Variants in KCNIP4 observed in about 807,000 individuals in gnomAD.
KCNIP4 encodes the protein potassium voltage-gated channel interacting protein 4.
In KCNIP4, 12 loss-of-function variants were observed where a neutral mutation model predicts 34.0. The observed-to-expected ratio is 0.35, with a 90% CI of 0.23 to 0.57. KCNIP4 has a LOEUF of 0.57. Among genes scored for constraint, KCNIP4 ranks in the 20% least tolerant of loss-of-function variants. KCNIP4 has a pLI of 0.83. For missense variants in KCNIP4, 238 were observed against 311.7 expected (o/e 0.76, Z 1.78); for synonymous variants, 124 against 102.2 (o/e 1.21, Z -1.29).
intron 1 of KCNIP4, among the ~76,000 whole-genome samples, chr4:21,172,424 T>G (rs1305851471): frequency 6.6e-6 from 1 of 152,180 alleles, no homozygotes; most frequent in Non-Finnish European, 1.5e-5. Context: ...AAAAATAAAA[T>G]TATGTTATAG....
intron 1 of KCNIP4, among the ~76,000 whole-genome samples, chr4:21,485,363 G>A (rs1023109965): frequency 2.0e-5 from 3 of 152,062 alleles, no homozygotes; most frequent in African/African-American, 7.2e-5. Context: ...CTAAAACCTG[G>A]CTCTTGTCTA....
chr4:21,574,392 TA>T (rs1285404677), intron 1 of KCNIP4, among the ~76,000 whole-genome samples: 1 of 151,986 alleles, frequency 6.6e-6, no homozygotes, highest in Non-Finnish European at 1.5e-5. Context: ...TCTATATTTA[TA>T]TATTTAAATA....
chr4:21,478,611 T>C (rs2109826880), intron 1 of KCNIP4, among the ~76,000 whole-genome samples: 1 of 152,292 alleles, frequency 6.6e-6, no homozygotes, highest in African/African-American at 2.4e-5. Flanking sequence ...TAGGAAGTAC[T>C]TTCCCCGTAA....
At chr4:21,511,636 C>T (rs534555638) in intron 1 of KCNIP4, among the ~76,000 whole-genome samples, 2 of 152,244 alleles carry the variant, frequency 1.3e-5, no homozygotes, top group South Asian at 4.1e-4. Flanking sequence ...GGCAATAACG[C>T]TCCTTGTAAG....
intron 3 of KCNIP4, among the ~76,000 whole-genome samples, chr4:20,783,675 C>T (rs1218539532): frequency 6.6e-6 from 1 of 152,138 alleles, no homozygotes; most frequent in Non-Finnish European, 1.5e-5. Flanking sequence ...GGTGGAGACA[C>T]AGAGCCATAG....
chr4:21,373,005 C>A (rs1183592861), intron 1 of KCNIP4, among the ~76,000 whole-genome samples: 3 of 144,200 alleles, frequency 2.1e-5, no homozygotes, highest in Admixed American at 2.0e-4. Context: ...GATTATTGGG[C>A]AGAAAATATA....
chr4:20,820,430 C>A (rs1303921240), intron 3 of KCNIP4, among the ~76,000 whole-genome samples: 2 of 151,974 alleles, frequency 1.3e-5, no homozygotes, highest in African/African-American at 4.8e-5. Flanking sequence ...CTCTTGACTG[C>A]GTATAGAAAA....
At position 21,832,845 on chromosome 4, in the gene KCNIP4, G is replaced by A. The variant is rs1278545669; in HGVS notation, c.61+115726C>T. ...TATGAGTGAGAATATGCGGTGTTTG[G>A]TTTTTTGTTCTTGCGATACTTTACT... is the stretch of plus-strand genomic sequence containing the variant. On this transcript the variant is annotated intron_variant, in intron 1 of 8. Coordinates refer to ENST00000382152, the MANE Select transcript of KCNIP4 (RefSeq NM_025221.6). Among the ~76,000 whole-genome samples the A allele has an allele frequency of 7.0e-4, 105 of 149,324 alleles. 1 individual carries two copies. The East Asian group carries it at 0.02, about 28-fold the overall frequency.
intron 1 of KCNIP4, among the ~76,000 whole-genome samples, chr4:21,628,294 A>T (rs999788253): frequency 4.6e-5 from 7 of 152,118 alleles, no homozygotes; most frequent in African/African-American, 1.4e-4. Context: ...CTTCACTGTG[A>T]TTACCCAATA....
intron 2 of KCNIP4, among the ~76,000 whole-genome samples, chr4:20,879,768 A>G (rs1707779374): frequency 6.6e-6 from 1 of 152,210 alleles, no homozygotes; most frequent in African/African-American, 2.4e-5. Context: ...TGCTTTGCTG[A>G]AAAACATTTG....
At chr4:21,482,696 G>A (rs1313577024) in intron 1 of KCNIP4, among the ~76,000 whole-genome samples, 1 of 152,066 alleles carries the variant, frequency 6.6e-6, no homozygotes, top group Non-Finnish European at 1.5e-5. Context: ...TAGTCTGATG[G>A]GCTTCCCTTT....
chr4:21,264,369 C>A (rs1761664507), intron 1 of KCNIP4, among the ~76,000 whole-genome samples: 1 of 152,016 alleles, frequency 6.6e-6, no homozygotes, highest in Non-Finnish European at 1.5e-5. Flanking sequence ...AAAGACAAAG[C>A]AAAATGAGAA....
At chr4:21,715,070 T>TTTTATTTTATTTTATTTTATTTATTTTA (rs1491411853) in intron 1 of KCNIP4, among the ~76,000 whole-genome samples, 2 of 73,214 alleles carry the variant, frequency 2.7e-5, no homozygotes, top group Non-Finnish European at 4.3e-5. Flanking sequence ...TTTTATTTTA[T>TTTTATTTTATTTTATTTTATTTATTTTA]TTTATTTTAT....
At chr4:21,470,831 A>AC (rs1452876069) in intron 1 of KCNIP4, among the ~76,000 whole-genome samples, 1 of 152,050 alleles carries the variant, frequency 6.6e-6, no homozygotes, top group East Asian at 1.9e-4. Flanking sequence ...AACAAAAAAA[A>AC]AAAAGTCCTC....
At position 21,801,117 on chromosome 4, in the gene KCNIP4, C is replaced by T. The variant is rs188249869; in HGVS notation, c.61+147454G>A. ...TCAGAGACTTTTAAATGTGTTCCCT[C>T]GGATGATTTAACTAGTGTGTGAGAG... On this transcript the variant is annotated intron_variant, in intron 1 of 8. Transcript: ENST00000382152. Among the ~76,000 whole-genome samples, 33 of 152,234 alleles carry T rather than the reference C, an allele frequency of 2.2e-4. No individual in the cohort carries two copies. In the East Asian group the frequency reaches 3.9e-3, roughly 18 times the overall value.
intron 1 of KCNIP4, among the ~76,000 whole-genome samples, chr4:21,173,786 T>A (rs550946991): frequency 6.6e-6 from 1 of 152,274 alleles, no homozygotes; most frequent in East Asian, 1.9e-4. Flanking sequence ...TTTCTTTGAA[T>A]TGACAAACAG....
chr4:21,872,231 CA>C (rs1257822461), intron 1 of KCNIP4, among the ~76,000 whole-genome samples: 3 of 152,110 alleles, frequency 2.0e-5, no homozygotes, highest in African/African-American at 7.2e-5. Flanking sequence ...TCCCCAGGAA[CA>C]AAATTCCCTC....
At chr4:21,304,021 G>T in intron 1 of KCNIP4, 1 of 1,138,180 alleles carries the variant, frequency 8.8e-7, no homozygotes, top group Non-Finnish European at 1.1e-6. Flanking sequence ...AGGGGAGGAG[G>T]AGAGCGTATG....
At chr4:20,959,292 C>T (rs1250854761) in intron 1 of KCNIP4, among the ~76,000 whole-genome samples, 1 of 152,156 alleles carries the variant, frequency 6.6e-6, no homozygotes, top group Non-Finnish European at 1.5e-5. Context: ...TTACTGTCTT[C>T]TGTTATTACA....
Sources: allele counts gnomAD v4.1 joint callset (sites outside exome capture counted in the v4.1 genomes callset), GRCh38; gene constraint gnomAD v4.1.1; transcripts MANE v1.5; gene names NCBI Gene and HGNC (gene_info 2026-07-23, HGNC 2026-07-21).